AFF1: variants seen among roughly 807,000 people sequenced by gnomAD.
AFF1 encodes the protein ALF transcription elongation factor 1.
In AFF1, 48 loss-of-function variants were observed where a neutral mutation model predicts 121.7. The observed-to-expected ratio is 0.39, with a 90% CI of 0.31 to 0.50. The LOEUF (loss-of-function observed/expected upper bound fraction) is 0.50. AFF1 is among the 20% of genes least tolerant of loss of function. The pLI, the probability that AFF1 is intolerant of heterozygous loss-of-function variation, is 0.76. For synonymous variants in AFF1, 613 were observed against 563.0 expected, an observed-to-expected ratio of 1.09 and a Z score of -1.26; for missense variants, 1,523 against 1,511.7, an observed-to-expected ratio of 1.01 and a Z score of -0.12.
chr4:87,068,211 G>A (rs907729251), intron 4 of AFF1, among the ~76,000 whole-genome samples: 7 of 140,316 alleles, frequency 5.0e-5, no homozygotes, highest in African/African-American at 1.8e-4. Context: ...CGTGTGTATT[G>A]TTATTTTTGT....
At position 87,131,777 on chromosome 4, in the gene AFF1, T is replaced by C; in HGVS notation, c.3102-16T>C. 6.3e-7 allele frequency: 1 copy of C among 1,577,710 alleles called. No homozygotes were observed. Among genetic ancestry groups the C allele is most frequent in the East Asian group, 2.2e-5 (1 of 44,464 alleles). ...CCTTTGTTTAAAACCTGATGTACTT[T>C]TATATTTTCCTATAGATTCATAATG... is the stretch of plus-strand genomic sequence containing the variant. On this transcript the variant is annotated splice_polypyrimidine_tract_variant and intron_variant, in intron 17 of 20. Transcript: ENST00000395146.
At chr4:87,031,844 A>G (rs913391881) in intron 2 of AFF1, among the ~76,000 whole-genome samples, 1 of 150,988 alleles carries the variant, frequency 6.6e-6, no homozygotes. Flanking sequence ...ACTTAACATT[A>G]TTAAGGACTC....
chr4:87,052,203 A>AGGGCTGG (rs1731338068), intron 4 of AFF1, among the ~76,000 whole-genome samples: 2 of 152,158 alleles, frequency 1.3e-5, no homozygotes, highest in African/African-American at 4.8e-5. Flanking sequence ...TGGGGAGCCC[A>AGGGCTGG]GGAGTTCAAG....
At chr4:87,110,998 A>ATT (rs1263757983) in intron 11 of AFF1, among the ~76,000 whole-genome samples, 4 of 81,040 alleles carry the variant, frequency 4.9e-5, no homozygotes, top group African/African-American at 2.3e-4. Context: ...CTTAAACTTT[A>ATT]TTTTTTTTTT....
chr4:86,994,142 C>T lies in AFF1; in HGVS notation c.38+45571C>T, dbSNP rs562496174. Among the ~76,000 whole-genome samples the T allele has an allele frequency of 1.2e-3, 184 of 152,274 alleles. 1 individual carries two copies. The South Asian group carries it at 0.021, about 17-fold the overall frequency. Reference sequence around the variant, plus strand: ...CTAACTCAACTGCACACTAAATTGCCAGAAGGCACTAAAAAAGAGTCCCCC... The same window carrying T: ...CTAACTCAACTGCACACTAAATTGCTAGAAGGCACTAAAAAAGAGTCCCCC... On this transcript the variant is annotated intron_variant, in intron 2 of 20. Transcript: ENST00000395146.
chr4:87,117,705 GTAAA>G (rs1727264612), intron 12 of AFF1, among the ~76,000 whole-genome samples: 1 of 152,192 alleles, frequency 6.6e-6, no homozygotes, highest in Admixed American at 6.5e-5. Flanking sequence ...AAGCTTTCAG[GTAAA>G]TAAATATAAA....
At chr4:87,100,969 T>C (rs938896142) in intron 8 of AFF1, among the ~76,000 whole-genome samples, 1 of 152,206 alleles carries the variant, frequency 6.6e-6, no homozygotes, top group Non-Finnish European at 1.5e-5. Flanking sequence ...AGCACCATTT[T>C]TATCATATCA....
chr4:86,961,968 A>C (rs562010412), intron 2 of AFF1, among the ~76,000 whole-genome samples: 1 of 152,278 alleles, frequency 6.6e-6, no homozygotes, highest in South Asian at 2.1e-4. Flanking sequence ...TGGAGGTTTA[A>C]TTTTCCAGTA....
At chr4:86,939,284 C>T (rs1490457717) in intron 1 of AFF1, among the ~76,000 whole-genome samples, 1 of 146,734 alleles carries the variant, frequency 6.8e-6, no homozygotes, top group East Asian at 2.2e-4. Flanking sequence ...AGTTAAGTGA[C>T]TTGACTCTGT....
chr4:87,123,210 AT>A (rs1318040398), intron 12 of AFF1, among the ~76,000 whole-genome samples: 2 of 152,218 alleles, frequency 1.3e-5, no homozygotes, highest in Non-Finnish European at 2.9e-5. Context: ...TTTAATAATT[AT>A]ATCTAATCCA....
intron 5 of AFF1, among the ~76,000 whole-genome samples, chr4:87,088,286 A>G (rs1723937541): frequency 6.6e-6 from 1 of 152,180 alleles, no homozygotes; most frequent in African/African-American, 2.4e-5. Context: ...GCACGAGTTC[A>G]CTTTTAACAA....
intron 4 of AFF1, among the ~76,000 whole-genome samples, chr4:87,061,912 T>C (rs2149654751): frequency 6.6e-6 from 1 of 152,310 alleles, no homozygotes; most frequent in South Asian, 2.1e-4. Flanking sequence ...TAAACTTTGC[T>C]TTTTTTGACC....
At chr4:86,954,151 G>C (rs2149458950) in intron 2 of AFF1, among the ~76,000 whole-genome samples, 1 of 152,114 alleles carries the variant, frequency 6.6e-6, no homozygotes, top group South Asian at 2.1e-4. Flanking sequence ...CATTTGTTTT[G>C]TCTGCTTTTC....
At chr4:87,025,619 A>G (rs115484437) in intron 2 of AFF1, among the ~76,000 whole-genome samples, 5,521 of 152,196 alleles carry the variant, frequency 0.036, 322 homozygotes, top group African/African-American at 0.13. Flanking sequence ...ATATTTGGCA[A>G]TGTCTGGAGA....
chr4:87,110,504 T>TC (rs1726378508), intron 11 of AFF1, among the ~76,000 whole-genome samples: 1 of 149,872 alleles, frequency 6.7e-6, no homozygotes, highest in South Asian at 2.1e-4. Context: ...CGATTAACCA[T>TC]CCCCCCACCC....
At chr4:87,017,425 A>G (rs1274816813) in intron 2 of AFF1, among the ~76,000 whole-genome samples, 1 of 152,158 alleles carries the variant, frequency 6.6e-6, no homozygotes, top group Non-Finnish European at 1.5e-5. Context: ...TATTTTGTAA[A>G]TTGGGCTTTT....
At chr4:86,991,671 GT>G (rs111715720) in intron 2 of AFF1, among the ~76,000 whole-genome samples, 7 of 150,556 alleles carry the variant, frequency 4.6e-5, no homozygotes, top group East Asian at 1.9e-4. Flanking sequence ...TTTTTACTAC[GT>G]TTTTTTTTAA....
At position 87,046,606 on chromosome 4, in the gene AFF1, T is replaced by G; in HGVS notation, c.160-89T>G. 5.8e-6 allele frequency: 8 copies of G among 1,378,588 alleles called. No homozygotes were observed. The South Asian group carries it at 1.0e-4, about 17-fold the overall frequency. The allele number at this position is 1,378,588 out of a possible 1,614,324, so 85.4% of individuals were successfully genotyped here. On this transcript the variant is annotated intron_variant, in intron 3 of 20. Coordinates refer to ENST00000395146, the MANE Select transcript of AFF1 (RefSeq NM_001166693.3). The stretch of plus-strand genomic sequence containing the variant: ...ACATGTCGTACATTAAGTTCGGAGT[T>G]TTTTCCTTAATAGTATTATATAACG...
At chr4:87,113,458 A>G (rs1726766220) in intron 11 of AFF1, among the ~76,000 whole-genome samples, 1 of 152,058 alleles carries the variant, frequency 6.6e-6, no homozygotes, top group African/African-American at 2.4e-5. Flanking sequence ...TTTTGTAGCA[A>G]TGAGGTATTG....
Sources: gnomAD v4.1 joint callset for allele counts (sites outside exome capture counted in the v4.1 genomes callset) on GRCh38, gnomAD v4.1.1 for gene constraint, MANE v1.5 for transcripts, NCBI Gene and HGNC (gene_info 2026-07-23, HGNC 2026-07-21) for gene names.